MICAL2: variants seen among roughly 807,000 people sequenced by gnomAD.
MICAL2 encodes microtubule associated monooxygenase, calponin and LIM domain containing 2.
Under a neutral mutation model 127.3 loss-of-function variants are expected in MICAL2, and 77 were observed. The observed-to-expected ratio is 0.60, with a 90% CI of 0.50 to 0.73. The LOEUF (loss-of-function observed/expected upper bound fraction) is 0.73, where lower values mean the gene tolerates loss of function less well. MICAL2 is among the 30% of genes least tolerant of loss of function. The probability of loss-of-function intolerance (pLI) is 0.00; values close to 1 mark genes in which losing one functional copy is unlikely to be tolerated. For synonymous variants in MICAL2, 570 were observed against 551.1 expected (o/e 1.03, Z -0.48); for missense variants, 1,351 against 1,434.4 (o/e 0.94, Z 0.94).
intron 32 of MICAL2, among the ~76,000 whole-genome samples, chr11:12,329,445 T>G (rs1864389364): frequency 6.6e-6 from 1 of 152,170 alleles, no homozygotes; most frequent in Admixed American, 6.5e-5. Context: ...TGCTTCAGTT[T>G]GCCGCCAGCA....
intron 5 of MICAL2, among the ~76,000 whole-genome samples, chr11:12,208,947 C>A (rs1855079926): frequency 6.6e-6 from 1 of 152,128 alleles, no homozygotes; most frequent in Non-Finnish European, 1.5e-5. Flanking sequence ...ATTTGGCATT[C>A]AGAGACTGTG....
intron 1 of MICAL2, among the ~76,000 whole-genome samples, chr11:12,115,261 G>A (rs774374736): frequency 6.6e-6 from 1 of 152,192 alleles, no homozygotes; most frequent in Non-Finnish European, 1.5e-5. Context: ...GAAGGAGACC[G>A]GAGGCTTAGG....
chr11:12,346,410 C>G (rs1565311800), intron 32 of MICAL2, among the ~76,000 whole-genome samples: 1 of 152,152 alleles, frequency 6.6e-6, no homozygotes, highest in Non-Finnish European at 1.5e-5. Flanking sequence ...TTGCTCAAGC[C>G]CACACAATGG....
At chr11:12,159,814 A>G (rs956926288) in intron 2 of MICAL2, among the ~76,000 whole-genome samples, 1 of 152,196 alleles carries the variant, frequency 6.6e-6, no homozygotes, top group African/African-American at 2.4e-5. Context: ...GCACATGGGG[A>G]AAGTGGAGAC....
chr11:12,287,000 C>T, intron 2 of MICAL2: 1 of 398,440 alleles, frequency 2.5e-6, no homozygotes, highest in Non-Finnish European at 4.4e-6. Context: ...GGTAATTGAG[C>T]TATAGGAGAT....
intron 31 of MICAL2, among the ~76,000 whole-genome samples, chr11:12,325,776 TG>T (rs1864347612): frequency 6.6e-6 from 1 of 152,198 alleles, no homozygotes; most frequent in Non-Finnish European, 1.5e-5. Flanking sequence ...ATAGTCACAC[TG>T]GGGGTTAGGG....
chr11:12,338,759 CTT>C (rs1487078570), intron 32 of MICAL2, among the ~76,000 whole-genome samples: 3 of 152,200 alleles, frequency 2.0e-5, no homozygotes. Context: ...AAATTCTTTT[CTT>C]TAAGAATGTT....
chr11:12,130,813 A>T (rs1437367710), intron 1 of MICAL2, among the ~76,000 whole-genome samples: 1 of 152,206 alleles, frequency 6.6e-6, no homozygotes. Flanking sequence ...AAGGCCTGGC[A>T]GGTCTGCAGA....
intron 3 of MICAL2, among the ~76,000 whole-genome samples, chr11:12,196,571 G>C (rs1859961071): frequency 6.6e-6 from 1 of 152,110 alleles, no homozygotes; most frequent in South Asian, 2.1e-4. Context: ...GCAACTGCAG[G>C]GCAGGAGAGA....
Position 12,208,148 on chromosome 11 carries a change from T to A in MICAL2, c.589+9T>A. On this transcript the variant is annotated intron_variant, in intron 5 of 27. Coordinates refer to ENST00000683283, the MANE Select transcript of MICAL2 (RefSeq NM_001282663.2). ...AGATCAAGAAAATCAAAGTACAGTA[T>A]AATTTTCTTTTTCTGCCTAGAAAGC... The A allele has an allele frequency of 6.3e-7, 1 of 1,599,556 alleles. No homozygotes were observed. The highest frequency in any genetic ancestry group is 8.6e-7 in the Non-Finnish European group (1 of 1,167,402).
At chr11:12,169,443 T>C (rs931288788) in intron 3 of MICAL2, among the ~76,000 whole-genome samples, 1 of 152,210 alleles carries the variant, frequency 6.6e-6, no homozygotes, top group African/African-American at 2.4e-5. Context: ...TGGAGTGCAG[T>C]GGCATGATCT....
chr11:12,306,248 A>G (rs1157326607), intron 29 of MICAL2, among the ~76,000 whole-genome samples: 1 of 151,872 alleles, frequency 6.6e-6, no homozygotes, highest in Admixed American at 6.6e-5. Context: ...GATTTCTAAC[A>G]GTATTCATTA....
intron 15 of MICAL2, among the ~76,000 whole-genome samples, chr11:12,235,056 G>A (rs1858840419): frequency 6.6e-6 from 1 of 152,202 alleles, no homozygotes; most frequent in African/African-American, 2.4e-5. Flanking sequence ...TGGCTCCCTG[G>A]TTCTGACAGA....
At chr11:12,168,863 C>G (rs12797410) in intron 3 of MICAL2, among the ~76,000 whole-genome samples, 60,377 of 148,896 alleles carry the variant, frequency 0.41, 14,695 homozygotes, top group Middle Eastern at 0.56. Context: ...GGGAGGATCG[C>G]TTGAGCCCAG....
Position 12,357,755 on chromosome 11 carries a change from A to G in MICAL2, c.5690-540A>G, listed in dbSNP as rs189212006. On this transcript the variant is annotated intron_variant, in intron 34 of 34. Transcript: ENST00000646065. Reference sequence around the variant, plus strand: ...CAGGAGGCTGAGGCAGGAGAATCACATGAACCCAGGAGGTGGAGGTTGCAG... The same window carrying G: ...CAGGAGGCTGAGGCAGGAGAATCACGTGAACCCAGGAGGTGGAGGTTGCAG... 1.5e-3 allele frequency among the ~76,000 whole-genome samples: 222 copies of G among 152,176 alleles called. 2 individuals carry two copies. The highest frequency in any genetic ancestry group is 5.0e-3 in the African/African-American group (207 of 41,528).
intron 29 of MICAL2, among the ~76,000 whole-genome samples, chr11:12,312,463 T>C (rs1864185146): frequency 6.6e-6 from 1 of 152,192 alleles, no homozygotes. Context: ...TTTAAATTTA[T>C]TTATATTTTT....
At chr11:12,226,913 C>T in intron 14 of MICAL2, 112 bp from the exon 15 acceptor site, 10 of 794,338 alleles carry the variant, frequency 1.3e-5, no homozygotes, top group Non-Finnish European at 2.2e-5. Flanking sequence ...CTTGGCCTCC[C>T]AAGTGCTGGG....
rs58876361 is a variant in MICAL2 at position 12,228,347 on chromosome 11, G to A, written c.1995+1216G>A. ...TTCCACTTAAAAAAAACAAAAAATT[G>A]GAGGCCTAGAGAGGCTAGGTGCCTT... On this transcript the variant is annotated intron_variant, in intron 15 of 27. Coordinates refer to ENST00000683283, the MANE Select transcript of MICAL2 (RefSeq NM_001282663.2). 5.8e-3 allele frequency among the ~76,000 whole-genome samples: 888 copies of A among 152,062 alleles called. 6 individuals are homozygous for A. Among genetic ancestry groups the A allele is most frequent in the African/African-American group, 0.021 (855 of 41,490 alleles).
In MICAL2 at chr11:12,239,332, G is replaced by A. The variant is rs1859543344; in HGVS notation, c.2065-104G>A. 2.7e-6 allele frequency: 4 copies of A among 1,484,518 alleles called. No homozygotes were observed. The South Asian group carries it at 4.6e-5, about 17-fold the overall frequency. The allele number at this position is 1,484,518 out of a possible 1,614,324, so 92.0% of individuals were successfully genotyped here. ...CTCCCTTCCTCAGACCATGGAGGGA[G>A]CCCTTCTGCGGGAAGCTAGTCCCAC... On this transcript the variant is annotated intron_variant, in intron 16 of 27. Transcript: ENST00000683283.
Sources: gnomAD v4.1 joint callset for allele counts (sites outside exome capture counted in the v4.1 genomes callset) on GRCh38, gnomAD v4.1.1 for gene constraint, MANE v1.5 for transcripts, NCBI Gene and HGNC (gene_info 2026-07-23, HGNC 2026-07-21) for gene names.